The following RHEX variants were observed in gnomAD, a reference collection of about 807,000 sequenced individuals.
RHEX encodes the protein regulator of hemoglobinization and erythroid cell expansion, also known as regulator of hemoglobinization and erythroid cell expansion protein.
RHEX carries 18 observed loss-of-function variants against 20.1 expected under a neutral mutation model. The ratio of observed to expected loss-of-function variants is 0.90; its 90% CI spans 0.62 to 1.33. The LOEUF (loss-of-function observed/expected upper bound fraction) is 1.33, where lower values mean the gene tolerates loss of function less well. RHEX is among the 40% of genes most tolerant of loss of function. The probability of loss-of-function intolerance (pLI) is 0.00; values close to 1 mark genes in which losing one functional copy is unlikely to be tolerated. For synonymous variants in RHEX, 87 were observed against 77.1 expected (o/e 1.13, Z -0.67); for missense variants, 192 against 214.3 (o/e 0.90, Z 0.65).
chr1:206,059,891 T>C (rs782707676), intron 1 of RHEX, among the ~76,000 whole-genome samples: 1 of 152,194 alleles, frequency 6.6e-6, no homozygotes, highest in African/African-American at 2.4e-5. Context: ...CACCTCTTCC[T>C]AGCCGTAGCT....
At chr1:206,096,232 A>G (rs1663065971) in intron 1 of RHEX, among the ~76,000 whole-genome samples, 1 of 152,260 alleles carries the variant, frequency 6.6e-6, no homozygotes. Flanking sequence ...AAAGTAGAAG[A>G]GGAGCCTTAA....
intron 1 of RHEX, among the ~76,000 whole-genome samples, chr1:206,082,077 A>C (rs1662749298): frequency 6.6e-6 from 1 of 152,164 alleles, no homozygotes; most frequent in African/African-American, 2.4e-5. Flanking sequence ...AAGAGGCTTC[A>C]TGTTTTTAAC....
intron 1 of RHEX, among the ~76,000 whole-genome samples, chr1:206,095,836 A>ATT (rs554363894): frequency 2.0e-5 from 3 of 147,016 alleles, no homozygotes; most frequent in African/African-American, 7.4e-5. Flanking sequence ...ATTTGGGGTA[A>ATT]TTTTTTTTTT....
chr1:206,053,502 T>G (rs1173449518), intron 1 of RHEX, among the ~76,000 whole-genome samples: 2 of 152,218 alleles, frequency 1.3e-5, no homozygotes, highest in Non-Finnish European at 2.9e-5. Context: ...CCTGTTTTTT[T>G]GTTTGTGGCA....
intron 1 of RHEX, among the ~76,000 whole-genome samples, chr1:206,076,582 C>G (rs1662641521): frequency 6.6e-6 from 1 of 152,244 alleles, no homozygotes; most frequent in Non-Finnish European, 1.5e-5. Context: ...GACAACTGTT[C>G]TGCTCATCTT....
At chr1:206,063,080 G>A (rs1395883995) in intron 1 of RHEX, among the ~76,000 whole-genome samples, 1 of 152,172 alleles carries the variant, frequency 6.6e-6, no homozygotes, top group African/African-American at 2.4e-5. Flanking sequence ...GGTGTTCAGG[G>A]AAGGCCTTAC....
chr1:206,072,685 A>C (rs1385361529), intron 1 of RHEX, among the ~76,000 whole-genome samples: 2 of 152,190 alleles, frequency 1.3e-5, no homozygotes, highest in Middle Eastern at 3.2e-3. Flanking sequence ...CAATTTACTG[A>C]ATTCCAGCAT....
Position 206,084,407 on chromosome 1 carries a change from A to G in RHEX, c.-96-13326A>G, listed in dbSNP as rs1662795204. Among the ~76,000 whole-genome samples the G allele has an allele frequency of 2.0e-5, 3 of 152,304 alleles. No individual in the cohort carries two copies. In the South Asian group the frequency reaches 6.2e-4, roughly 32 times the overall value. On this transcript the variant is annotated intron_variant, in intron 1 of 5. Coordinates refer to ENST00000331555, the MANE Select transcript of RHEX (RefSeq NM_001007544.4). ...ATTGGCCCATTTATTCCTCACACCT[A>G]AAGACGTAAGTGCTACTAACAGCCT...
Position 206,067,665 on chromosome 1 carries a change from A to T in RHEX, c.-97+14400A>T, listed in dbSNP as rs1553284286. On this transcript the variant is annotated intron_variant, in intron 1 of 5. Coordinates refer to ENST00000331555, the MANE Select transcript of RHEX (RefSeq NM_001007544.4). This position sits in a 1 kb window ranked among gnomAD's most constrained non-coding sequence, Gnocchi z 4.6. Reference sequence around the variant, plus strand: ...AGGACATCCTGTTCCCAAATACCTCACTCCACACATAGCCCCAACAGCACA... The same window carrying T: ...AGGACATCCTGTTCCCAAATACCTCTCTCCACACATAGCCCCAACAGCACA... 1.3e-5 allele frequency among the ~76,000 whole-genome samples: 2 copies of T among 151,820 alleles called. No homozygotes were observed. Among genetic ancestry groups the T allele is most frequent in the African/African-American group, 4.8e-5 (2 of 41,306 alleles).
rs782597590 is a variant in RHEX, at chr1:206,097,817, A to C, written c.-12A>C. 7 of 1,613,454 alleles carry C rather than the reference A, an allele frequency of 4.3e-6. No individual in the cohort carries two copies. The highest frequency in any genetic ancestry group is 1.3e-5 in the African/African-American group (1 of 74,914). On this transcript the variant is annotated 5_prime_UTR_variant, in exon 2 of 6. Coordinates refer to ENST00000331555, the MANE Select transcript of RHEX (RefSeq NM_001007544.4). ...AGTGCCTGAGCCCCAACTTATCAGC[A>C]AGGAGCTCATCATGCTGACAGAGTG...
At chr1:206,097,200 T>C (rs1553287802) in intron 1 of RHEX, among the ~76,000 whole-genome samples, 1 of 152,180 alleles carries the variant, frequency 6.6e-6, no homozygotes, top group Non-Finnish European at 1.5e-5. Context: ...GAGTCTTTTC[T>C]CGCTCGCTGT....
chr1:206,064,270 C>T (rs1662371141), intron 1 of RHEX, among the ~76,000 whole-genome samples: 1 of 138,434 alleles, frequency 7.2e-6, no homozygotes, highest in African/African-American at 2.8e-5. Context: ...TGGGGGGGGT[C>T]AGCCCCCCGC....
chr1:206,060,327 C>A (rs59055466), intron 1 of RHEX: 1 of 143,870 alleles, frequency 7.0e-6, no homozygotes, highest in Non-Finnish European at 1.5e-5. Context: ...TTCTGTAGAG[C>A]TCATTTGCAT....
intron 1 of RHEX, among the ~76,000 whole-genome samples, chr1:206,095,273 A>T (rs1394385651): frequency 6.6e-6 from 1 of 152,204 alleles, no homozygotes; most frequent in Non-Finnish European, 1.5e-5. Flanking sequence ...TCACTAAAGC[A>T]CTTCATCAGA....
intron 1 of RHEX, among the ~76,000 whole-genome samples, chr1:206,057,732 T>C (rs1553282767): frequency 6.6e-6 from 1 of 152,194 alleles, no homozygotes; most frequent in Non-Finnish European, 1.5e-5. Flanking sequence ...GTGCTTCCTG[T>C]GAAAAATGAA....
intron 1 of RHEX, among the ~76,000 whole-genome samples, chr1:206,063,792 G>A (rs1459085174): frequency 1.3e-5 from 2 of 152,160 alleles, no homozygotes; most frequent in African/African-American, 2.4e-5. Flanking sequence ...TGCCGAGATT[G>A]CAGCCTCTGC....
intron 5 of RHEX, 63 bp downstream of exon 5, chr1:206,101,260 C>A: frequency 1.5e-6 from 2 of 1,348,530 alleles, no homozygotes; most frequent in Non-Finnish European, 2.1e-6. Flanking sequence ...TGCTGTAAAA[C>A]GCTGAAAACT....
intron 1 of RHEX, chr1:206,060,307 C>G (rs1434698430): frequency 2.0e-5 from 3 of 151,408 alleles, no homozygotes; most frequent in Non-Finnish European, 2.9e-5. Flanking sequence ...GCTAATATTA[C>G]CATTTAGGAT....
chr1:206,096,742 T>C (rs1224954398), intron 1 of RHEX, among the ~76,000 whole-genome samples: 1 of 151,964 alleles, frequency 6.6e-6, no homozygotes, highest in Non-Finnish European at 1.5e-5. Flanking sequence ...CTTTTTATTT[T>C]TTATTTTGTG....
Sources: gnomAD v4.1 joint callset for allele counts (sites outside exome capture counted in the v4.1 genomes callset) on GRCh38, gnomAD v4.1.1 for gene constraint, Gnocchi (gnomAD v3.1) non-coding constraint, MANE v1.5 for transcripts, NCBI Gene and HGNC (gene_info 2026-07-23, HGNC 2026-07-21) for gene names.